WWP2: variants seen among roughly 807,000 people sequenced by gnomAD.
The protein encoded by WWP2 is WW domain containing E3 ubiquitin protein ligase 2.
WWP2 carries 57 observed loss-of-function variants against 121.0 expected under a neutral mutation model. The ratio of observed to expected loss-of-function variants is 0.47; its 90% confidence interval spans 0.38 to 0.59. The LOEUF (loss-of-function observed/expected upper bound fraction) is 0.59. WWP2 is among the 20% of genes least tolerant of loss of function. The probability of loss-of-function intolerance (pLI) is 0.00; values close to 1 mark genes in which losing one functional copy is unlikely to be tolerated. For synonymous variants in WWP2, 449 were observed against 441.3 expected, an observed-to-expected ratio of 1.02 and a Z score of -0.22; for missense variants, 962 against 1,158.9, an observed-to-expected ratio of 0.83 and a Z score of 2.47.
chr16:69,895,164 ATGTT>A, intron 8 of WWP2: 1 of 152,234 alleles, frequency 6.6e-6, no homozygotes, highest in South Asian at 2.1e-4. Context: ...GAGTTCTTGG[ATGTT>A]TGTTTGTGGG....
intron 5 of WWP2, among the ~76,000 whole-genome samples, chr16:69,841,786 C>G (rs2056982836): frequency 6.6e-6 from 1 of 152,120 alleles, no homozygotes; most frequent in African/African-American, 2.4e-5. Context: ...TCTTCAATGT[C>G]TTGGAGAAGA....
At chr16:69,893,587 GT>G (rs1372647449) in intron 8 of WWP2, among the ~76,000 whole-genome samples, 1 of 150,484 alleles carries the variant, frequency 6.6e-6, no homozygotes, top group African/African-American at 2.5e-5. Flanking sequence ...TTTTGTTTTT[GT>G]TTTTTTGAGA....
At chr16:69,801,155 C>T (rs2056156423) in intron 4 of WWP2, among the ~76,000 whole-genome samples, 2 of 146,408 alleles carry the variant, frequency 1.4e-5, no homozygotes, top group South Asian at 2.1e-4. Context: ...CGCCACTGCA[C>T]TCCAGCCTGG....
intron 6 of WWP2, among the ~76,000 whole-genome samples, chr16:69,853,221 T>C (rs561534505): frequency 1.3e-5 from 2 of 152,226 alleles, no homozygotes; most frequent in Admixed American, 1.3e-4. Flanking sequence ...GGATTTAATA[T>C]GGGGAATTAG....
chr16:69,787,566 G>A (rs1295922595), intron 2 of WWP2, among the ~76,000 whole-genome samples: 1 of 152,144 alleles, frequency 6.6e-6, no homozygotes, highest in African/African-American at 2.4e-5. Flanking sequence ...CTCAGCCTGG[G>A]CAACAGGGTG....
chr16:69,933,177 C>G, intron 16 of WWP2: 1 of 491,032 alleles, frequency 2.0e-6, no homozygotes, highest in Non-Finnish European at 4.2e-6. Context: ...GATACCGGGG[C>G]ACCCTCTGCG....
At chr16:69,897,798 C>G (rs150798286) in intron 8 of WWP2, among the ~76,000 whole-genome samples, 5,637 of 151,940 alleles carry the variant, frequency 0.037, 295 homozygotes, top group African/African-American at 0.12. Context: ...GTCCCAGCTA[C>G]TCAGGAGGCT....
At chr16:69,902,088 A>G (rs1222495782) in intron 8 of WWP2, among the ~76,000 whole-genome samples, 1 of 152,262 alleles carries the variant, frequency 6.6e-6, no homozygotes, top group Admixed American at 6.5e-5. Flanking sequence ...ACCAAGAAAT[A>G]TGGTGATCAG....
In WWP2 at chr16:69,851,335, A is replaced by G. The variant is rs117681793; in HGVS notation, c.575+9215A>G. 8.1e-4 allele frequency among the ~76,000 whole-genome samples: 123 copies of G among 151,952 alleles called. No homozygotes were observed. In the East Asian group the frequency reaches 0.022, roughly 28 times the overall value. ...AGTTTCACTGCCCTGTGCTTCATCT[A>G]TTCATCTCTCCCTCCCGTCCCCAGC... is the stretch of plus-strand genomic sequence containing the variant. On this transcript the variant is annotated intron_variant, in intron 6 of 23. Transcript: ENST00000359154.
chr16:69,778,865 T>C (rs992954531), intron 1 of WWP2, among the ~76,000 whole-genome samples: 3 of 151,704 alleles, frequency 2.0e-5, no homozygotes, highest in African/African-American at 4.8e-5. Flanking sequence ...GGTCTTGAAC[T>C]CCTGCCCTCA....
intron 9 of WWP2, chr16:69,909,991 T>C (rs1324932297): frequency 6.5e-6 from 1 of 153,878 alleles, no homozygotes; most frequent in Non-Finnish European, 1.4e-5. Flanking sequence ...GTTGACTTAT[T>C]GTTTTTGGCT....
At chr16:69,837,726 G>A (rs2056901701) in intron 4 of WWP2, among the ~76,000 whole-genome samples, 1 of 152,224 alleles carries the variant, frequency 6.6e-6, no homozygotes, top group African/African-American at 2.4e-5. Flanking sequence ...GAGCCTTCCG[G>A]AATGCTCATC....
At chr16:69,865,856 T>G (rs536708900) in intron 6 of WWP2, among the ~76,000 whole-genome samples, 1 of 152,302 alleles carries the variant, frequency 6.6e-6, no homozygotes, top group African/African-American at 2.4e-5. Flanking sequence ...CACACCATAG[T>G]CAGTGGCCTC....
intron 6 of WWP2, among the ~76,000 whole-genome samples, chr16:69,844,066 G>A (rs962594053): frequency 6.6e-6 from 1 of 152,084 alleles, no homozygotes; most frequent in Non-Finnish European, 1.5e-5. Context: ...CAAGATGGAC[G>A]TTTGGATCTT....
intron 6 of WWP2, among the ~76,000 whole-genome samples, chr16:69,847,403 A>AT (rs535843267): frequency 1.5e-3 from 188 of 125,680 alleles, no homozygotes; most frequent in African/African-American, 2.3e-3. Context: ...TATTTTTCTT[A>AT]TTTTTTTTTT....
intron 2 of WWP2, among the ~76,000 whole-genome samples, chr16:69,787,369 C>A (rs1446946425): frequency 2.0e-5 from 3 of 151,928 alleles, no homozygotes; most frequent in Admixed American, 6.6e-5. Context: ...CAGGAGGATC[C>A]CTTAAGCCCA....
chr16:69,887,647 C>T (rs1020273429), intron 7 of WWP2, among the ~76,000 whole-genome samples: 2 of 152,052 alleles, frequency 1.3e-5, no homozygotes, highest in African/African-American at 4.8e-5. Context: ...CTCAAGTGAT[C>T]CGCCTGCCTC....
chr16:69,933,456 GA>G (rs568821636), intron 16 of WWP2, among the ~76,000 whole-genome samples: 1 of 152,194 alleles, frequency 6.6e-6, no homozygotes, highest in Non-Finnish European at 1.5e-5. Context: ...AGGCAGCATG[GA>G]TTACATTGTC....
chr16:69,820,260 T>G (rs895982952), intron 4 of WWP2, among the ~76,000 whole-genome samples: 1 of 152,072 alleles, frequency 6.6e-6, no homozygotes, highest in African/African-American at 2.4e-5. Context: ...ATTATTTTTT[T>G]GAGATGGAGT....
Sources: gnomAD v4.1 joint callset for allele counts (sites outside exome capture counted in the v4.1 genomes callset) on GRCh38, gnomAD v4.1.1 for gene constraint, MANE v1.5 for transcripts, NCBI Gene and HGNC (gene_info 2026-07-23, HGNC 2026-07-21) for gene names.